Variants in XIRP2 observed in about 807,000 individuals in gnomAD.
XIRP2 encodes the protein xin actin binding repeat containing 2, also known as xin actin-binding repeat-containing protein 2.
A neutral mutation model predicts 277.0 loss-of-function variants in XIRP2; 236 were observed. That is an observed-to-expected ratio of 0.85 (90% CI 0.77 to 0.95). XIRP2 has a LOEUF of 0.95. Ranked by LOEUF, XIRP2 falls within the 40% of genes least tolerant of loss-of-function variation. XIRP2 has a pLI of 0.00. For synonymous variants in XIRP2, 1,490 were observed against 1,416.5 expected, an observed-to-expected ratio of 1.05 and a Z score of -1.17; for missense variants, 4,640 against 4,157.5, an observed-to-expected ratio of 1.12 and a Z score of -3.19.
rs747313573 is a variant in XIRP2, at chr2:167,210,765, G to T, written c.593G>T (p.Gly198Val). The change falls in exon 4 of 11, where the codon GGA (glycine) becomes GTA (valine). Residue 198 changes from glycine (G) to valine (V), a missense_variant. Gly to Val is a moderately radical substitution (Grantham distance 109). Coordinates refer to ENST00000409195, the MANE Select transcript of XIRP2 (RefSeq NM_152381.6). ...GCTGGCCCTAATAAGCCTGAGAGTGGATTTGCAGAAGACAGTGCTGCTCGG... is the reference window on the plus strand; with the variant it reads ...GCTGGCCCTAATAAGCCTGAGAGTGTATTTGCAGAAGACAGTGCTGCTCGG... ...ATAGPNKPES[G>V]FAEDSAARGE... The T allele has an allele frequency of 6.2e-7, 1 of 1,614,064 alleles. No homozygotes were observed. The highest frequency in any genetic ancestry group is 1.3e-5 in the African/African-American group (1 of 74,924).
intron 3 of XIRP2, among the ~76,000 whole-genome samples, chr2:167,179,283 T>A (rs1278181811): frequency 6.6e-6 from 1 of 151,950 alleles, no homozygotes; most frequent in Non-Finnish European, 1.5e-5. Context: ...TTTTAGTCGC[T>A]TCCCCAGTGA....
At chr2:167,102,760 A>G (rs1193089322) in intron 2 of XIRP2, among the ~76,000 whole-genome samples, 2 of 152,296 alleles carry the variant, frequency 1.3e-5, no homozygotes, top group East Asian at 1.9e-4. Context: ...TGGATTTATC[A>G]GTTTATAGTG....
rs762853983 is a variant in XIRP2 at position 167,244,670 on chromosome 2, C to T, written c.3278C>T (p.Thr1093Ile). The T allele has an allele frequency of 6.8e-6, 11 of 1,613,314 alleles. No homozygotes were observed. The Admixed American group carries it at 8.3e-5, about 12-fold the overall frequency. Residue 1093 changes from threonine (T) to isoleucine (I), a missense_variant, in exon 9 of 11, where the codon ACC becomes ATC. Transcript: ENST00000409195. ...GATATTGTTAAAGGGGATGTCAAAA[C>T]CTGTAAATGGCTTTTTGAGACCCAG... ...TRDIVKGDVK[T>I]CKWLFETQPM...
chr2:167,004,094 A>G (rs1391591598), intron 2 of XIRP2, among the ~76,000 whole-genome samples: 1 of 151,874 alleles, frequency 6.6e-6, no homozygotes, highest in African/African-American at 2.4e-5. Context: ...AAGAAAGTCC[A>G]TGGAATGTTT....
At chr2:167,154,128 G>A (rs1163243006) in intron 3 of XIRP2, among the ~76,000 whole-genome samples, 7 of 149,558 alleles carry the variant, frequency 4.7e-5, no homozygotes, top group African/African-American at 1.7e-4. Flanking sequence ...GTATCTCATT[G>A]TGGTTTTGAT....
At chr2:167,064,194 AAAC>A (rs1352856322) in intron 2 of XIRP2, among the ~76,000 whole-genome samples, 8 of 151,882 alleles carry the variant, frequency 5.3e-5, no homozygotes, top group Non-Finnish European at 1.2e-4. Context: ...TACCACAATC[AAAC>A]ATACCCATCA....
At chr2:167,023,822 T>C (rs1374382644) in intron 2 of XIRP2, among the ~76,000 whole-genome samples, 1 of 152,162 alleles carries the variant, frequency 6.6e-6, no homozygotes, top group Non-Finnish European at 1.5e-5. Context: ...TATATCTCTG[T>C]TTTGGTACCA....
Position 167,243,555 on chromosome 2 carries a change from G to C in XIRP2, c.2163G>C (p.Glu721Asp), listed in dbSNP as rs1695145976. ...DEVHLLQLRS[E>D]LKEIKGNVKR... ...TTCATTTACTGCAGCTTAGGTCTGA[G>C]CTCAAAGAAATTAAGGGAAATGTTA... The change falls in exon 9 of 11, where the codon GAG becomes GAC. Residue 721 changes from glutamate to aspartate, a missense_variant. Physicochemically the swap from Glu to Asp is conservative, Grantham distance 45 (BLOSUM62 2). Transcript: ENST00000409195. 1 of 1,613,868 alleles carries C rather than the reference G, an allele frequency of 6.2e-7. No homozygotes were observed. The highest frequency in any genetic ancestry group is 1.3e-5 in the African/African-American group (1 of 74,912).
chr2:166,981,382 T>C (rs1686865812), intron 2 of XIRP2, among the ~76,000 whole-genome samples: 1 of 152,084 alleles, frequency 6.6e-6, no homozygotes, highest in African/African-American at 2.4e-5. Context: ...TGAGTGCCTG[T>C]CTCCTCTATG....
At chr2:166,968,880 A>G (rs1686499680) in intron 2 of XIRP2, among the ~76,000 whole-genome samples, 1 of 152,014 alleles carries the variant, frequency 6.6e-6, no homozygotes, top group African/African-American at 2.4e-5. Flanking sequence ...TGATAGGACA[A>G]TAATATCTGC....
At chr2:167,075,032 A>G (rs1177150361) in intron 2 of XIRP2, among the ~76,000 whole-genome samples, 1 of 152,202 alleles carries the variant, frequency 6.6e-6, no homozygotes, top group Non-Finnish European at 1.5e-5. Context: ...ATTCAATGAG[A>G]ATTATCTTCA....
chr2:167,175,108 A>G (rs1432515341), intron 3 of XIRP2, among the ~76,000 whole-genome samples: 1 of 152,156 alleles, frequency 6.6e-6, no homozygotes, highest in Non-Finnish European at 1.5e-5. Flanking sequence ...TGCTTTGTCC[A>G]GAGCTGAGTT....
intron 2 of XIRP2, among the ~76,000 whole-genome samples, chr2:167,003,463 T>C (rs996531278): frequency 6.6e-6 from 1 of 151,860 alleles, no homozygotes; most frequent in Admixed American, 6.6e-5. Context: ...TTTCAATACA[T>C]TTTATCATCA....
At chr2:166,977,599 A>G (rs1302213458) in intron 2 of XIRP2, among the ~76,000 whole-genome samples, 1 of 152,210 alleles carries the variant, frequency 6.6e-6, no homozygotes, top group Non-Finnish European at 1.5e-5. Context: ...TCTAAACTAA[A>G]AAGAGTAACA....
At position 166,890,287 on chromosome 2, in the gene XIRP2, C is replaced by G. The variant is rs936561784; in HGVS notation, c.-19+1730C>G. Among the ~76,000 whole-genome samples the G allele has an allele frequency of 2.6e-5, 4 of 152,256 alleles. No homozygotes were observed. The East Asian group carries it at 7.7e-4, about 29-fold the overall frequency. ...GGATTACAGGCATGAGCCACCGTGC[C>G]TGGCCCCTAAGTTTTATTTTTTAAC... On this transcript the variant is annotated intron_variant, in intron 1 of 10. Coordinates refer to ENST00000409195, the MANE Select transcript of XIRP2 (RefSeq NM_152381.6).
intron 3 of XIRP2, among the ~76,000 whole-genome samples, chr2:167,176,291 G>A (rs1258863209): frequency 6.6e-6 from 1 of 151,258 alleles, no homozygotes; most frequent in Non-Finnish European, 1.5e-5. Context: ...TCCCACGTGA[G>A]GCAATGCCCC....
chr2:167,251,166 T>A lies in XIRP2; in HGVS notation c.9774T>A (p.Ala3258=). ...GTTCCTTCAGAGAATCTGTGGACGCTCAAGAGGAAATCAGGAAAGTGGAGA... is the reference window on the plus strand; with the variant it reads ...GTTCCTTCAGAGAATCTGTGGACGCACAAGAGGAAATCAGGAAAGTGGAGA... ...ASGSFRESVD[A]QEEIRKVEKR... The change falls in exon 9 of 11, where the codon GCT becomes GCA. Residue 3258 remains alanine (A), a synonymous_variant. Transcript: ENST00000409195. The A allele has an allele frequency of 6.2e-7, 1 of 1,613,446 alleles. No homozygotes were observed. Among genetic ancestry groups the A allele is most frequent in the Non-Finnish European group, 8.5e-7 (1 of 1,179,730 alleles).
chr2:167,013,296 T>A (rs1687731911), intron 2 of XIRP2, among the ~76,000 whole-genome samples: 1 of 151,520 alleles, frequency 6.6e-6, no homozygotes, highest in African/African-American at 2.4e-5. Context: ...ATAATGCTTC[T>A]AAAATTATGG....
chr2:167,134,465 C>A (rs115285861), intron 2 of XIRP2, among the ~76,000 whole-genome samples: 6,085 of 152,006 alleles, frequency 0.04, 128 homozygotes, highest in Non-Finnish European at 0.05. Flanking sequence ...TGTTTCGAAG[C>A]TTTTAGCTGT....
Sources: gnomAD v4.1 joint callset for allele counts (sites outside exome capture counted in the v4.1 genomes callset) on GRCh38, gnomAD v4.1.1 for gene constraint, MANE v1.5 for transcripts, NCBI Gene and HGNC (gene_info 2026-07-23, HGNC 2026-07-21) for gene names.